Variants in STXBP4 observed in about 807,000 individuals in gnomAD.
STXBP4 encodes the protein syntaxin-binding protein 4.
STXBP4 carries 55 observed loss-of-function variants against 76.1 expected under a neutral mutation model. That is an observed-to-expected ratio of 0.72 (90% CI 0.58 to 0.91). STXBP4 has a LOEUF of 0.91. Among genes scored for constraint, STXBP4 ranks in the 40% least tolerant of loss-of-function variants. The probability of loss-of-function intolerance (pLI) is 0.00; values close to 1 mark genes in which losing one functional copy is unlikely to be tolerated. For missense variants in STXBP4, 618 were observed against 636.9 expected (o/e 0.97, Z 0.32); for synonymous variants, 201 against 220.2 (o/e 0.91, Z 0.77).
At chr17:55,188,248 C>T in the STXBP4 span, among the ~76,000 whole-genome samples, 1 of 152,320 alleles carries the variant, frequency 6.6e-6, no homozygotes, top group East Asian at 1.9e-4. Flanking sequence ...TGAAGACCTG[C>T]ACTAACTGGC....
the STXBP4 span, among the ~76,000 whole-genome samples, chr17:55,184,104 G>A: frequency 6.6e-6 from 1 of 151,864 alleles, no homozygotes; most frequent in Non-Finnish European, 1.5e-5. Context: ...CTCAACCAAT[G>A]TCAAAGAACT....
At chr17:55,087,446 A>G (rs1033548213) in intron 16 of STXBP4, among the ~76,000 whole-genome samples, 1 of 151,914 alleles carries the variant, frequency 6.6e-6, no homozygotes, top group Non-Finnish European at 1.5e-5. Flanking sequence ...TGATTTTTGT[A>G]TAGGGTCATT....
At chr17:55,200,757 A>G in the STXBP4 span, among the ~76,000 whole-genome samples, 1 of 152,240 alleles carries the variant, frequency 6.6e-6, no homozygotes, top group Non-Finnish European at 1.5e-5. Context: ...ATATACTTTG[A>G]TTTCCAATTT....
At position 55,076,672 on chromosome 17, in the gene STXBP4, G is replaced by A. The variant is rs147843281; in HGVS notation, c.1189-1406G>A. ...CTATTTGGGATTCATTGAGCTTCCC[G>A]ATTCGAAGAGCAATGTCTTCTGCCA... On this transcript the variant is annotated intron_variant, in intron 13 of 17. Coordinates refer to ENST00000376352, the MANE Select transcript of STXBP4 (RefSeq NM_178509.6). Among the ~76,000 whole-genome samples, 505 of 152,208 alleles carry A rather than the reference G, an allele frequency of 3.3e-3. 2 individuals carry two copies. The highest frequency in any genetic ancestry group is 0.011 in the African/African-American group (470 of 41,544).
intron 12 of STXBP4, among the ~76,000 whole-genome samples, chr17:55,050,215 C>T (rs921987117): frequency 7.9e-5 from 12 of 151,814 alleles, no homozygotes; most frequent in Non-Finnish European, 1.5e-4. Flanking sequence ...AATTAAGATG[C>T]AAAACTAAAT....
intron 16 of STXBP4, among the ~76,000 whole-genome samples, chr17:55,104,308 C>T (rs893976939): frequency 1.1e-4 from 16 of 152,088 alleles, no homozygotes; most frequent in African/African-American, 3.9e-4. Context: ...CCATCAATAC[C>T]TAGTTTATTG....
At chr17:55,047,408 A>T (rs2078805009) in intron 12 of STXBP4, among the ~76,000 whole-genome samples, 1 of 151,860 alleles carries the variant, frequency 6.6e-6, no homozygotes, top group East Asian at 1.9e-4. Flanking sequence ...TGAAAAAAAC[A>T]TATCCATAGA....
intron 16 of STXBP4, among the ~76,000 whole-genome samples, chr17:55,111,602 A>G (rs2079717126): frequency 6.6e-6 from 1 of 152,128 alleles, no homozygotes; most frequent in African/African-American, 2.4e-5. Flanking sequence ...AAAAGTGTGC[A>G]GCACCTCCCC....
At chr17:55,148,239 A>G (rs926324381) in intron 17 of STXBP4, among the ~76,000 whole-genome samples, 51 of 152,374 alleles carry the variant, frequency 3.3e-4, no homozygotes, top group African/African-American at 1.2e-3. Context: ...AGAATGGCTC[A>G]TAATCTATAA....
At chr17:55,122,397 A>T (rs1269631418) in intron 16 of STXBP4, among the ~76,000 whole-genome samples, 1 of 152,210 alleles carries the variant, frequency 6.6e-6, no homozygotes, top group Non-Finnish European at 1.5e-5. Context: ...GTATCATCTA[A>T]GCTGATTCTA....
rs192354103 is a variant in STXBP4, at chr17:55,118,321, A to G, written c.1490-22989A>G. 8.7e-4 allele frequency among the ~76,000 whole-genome samples: 132 copies of G among 152,072 alleles called. 1 individual carries two copies. The East Asian group carries it at 0.017, about 19-fold the overall frequency. ...TTTGAAAGATGAGTAGGAGCCAACC[A>G]TCTAATGAGTTAAGGAGAAAGCATT... On this transcript the variant is annotated intron_variant, in intron 16 of 17. Coordinates refer to ENST00000376352, the MANE Select transcript of STXBP4 (RefSeq NM_178509.6).
At chr17:55,207,033 C>T in the STXBP4 span, among the ~76,000 whole-genome samples, 1,635 of 152,200 alleles carry the variant, frequency 0.011, 20 homozygotes, top group Non-Finnish European at 0.019. Context: ...CACTTACCCT[C>T]CTGCAACTTC....
intron 1 of STXBP4, among the ~76,000 whole-genome samples, chr17:54,972,336 T>C (rs1266369660): frequency 3.3e-5 from 5 of 152,200 alleles, no homozygotes; most frequent in Non-Finnish European, 7.4e-5. Context: ...GAATCTGTTA[T>C]CACTGTGATG....
intron 16 of STXBP4, among the ~76,000 whole-genome samples, chr17:55,104,120 CT>C (rs1567763785): frequency 6.6e-6 from 1 of 152,120 alleles, no homozygotes; most frequent in Non-Finnish European, 1.5e-5. Context: ...CCCTTTATTT[CT>C]TTCTCTTGCC....
At chr17:55,112,191 A>T (rs1056556297) in intron 16 of STXBP4, among the ~76,000 whole-genome samples, 31 of 152,072 alleles carry the variant, frequency 2.0e-4, no homozygotes, top group African/African-American at 7.5e-4. Context: ...AAGTGCTGGT[A>T]TTATAGGCAT....
At chr17:55,025,595 T>C (rs2078396665) in intron 8 of STXBP4, among the ~76,000 whole-genome samples, 1 of 152,158 alleles carries the variant, frequency 6.6e-6, no homozygotes, top group African/African-American at 2.4e-5. Context: ...CACCCTTGCA[T>C]GATAAAAAAT....
At chr17:55,084,766 A>G (rs1386074856) in intron 16 of STXBP4, among the ~76,000 whole-genome samples, 1 of 152,102 alleles carries the variant, frequency 6.6e-6, no homozygotes. Flanking sequence ...TGTTTTTGTC[A>G]GGTTTGTCAA....
intron 12 of STXBP4, among the ~76,000 whole-genome samples, chr17:55,051,968 A>G (rs1161211096): frequency 2.0e-5 from 3 of 152,162 alleles, no homozygotes; most frequent in African/African-American, 7.2e-5. Context: ...TATCAAGTAG[A>G]AAATGTGTTT....
intron 11 of STXBP4, among the ~76,000 whole-genome samples, chr17:55,045,241 C>T (rs2078769423): frequency 6.6e-6 from 1 of 151,988 alleles, no homozygotes; most frequent in Non-Finnish European, 1.5e-5. Context: ...TCTTTTCTTA[C>T]CTTTGAAACC....
Sources: gnomAD v4.1 joint callset for allele counts (sites outside exome capture counted in the v4.1 genomes callset) on GRCh38, gnomAD v4.1.1 for gene constraint, MANE v1.5 for transcripts, NCBI Gene and HGNC (gene_info 2026-07-23, HGNC 2026-07-21) for gene names.